The following SGCZ variants were observed in gnomAD, a reference collection of about 807,000 sequenced individuals.
SGCZ encodes sarcoglycan zeta.
Under a neutral mutation model 41.3 loss-of-function variants are expected in SGCZ, and 40 were observed. The ratio of observed to expected loss-of-function variants is 0.97; its 90% CI spans 0.75 to 1.26. The LOEUF is 1.26. Ranked by LOEUF, SGCZ falls within the 50% of genes most tolerant of loss-of-function variation. SGCZ has a pLI of 0.00. For missense variants in SGCZ, 552 were observed against 369.8 expected (o/e 1.49, Z -4.04); for synonymous variants, 206 against 137.5 (o/e 1.50, Z -3.49).
At chr8:14,281,465 T>TCA (rs1800435380) in intron 3 of SGCZ, among the ~76,000 whole-genome samples, 1 of 101,892 alleles carries the variant, frequency 9.8e-6, no homozygotes, top group Non-Finnish European at 2.7e-5. Flanking sequence ...TTTTTTTATA[T>TCA]CATAGAACTT....
At chr8:14,519,849 T>G (rs1422165170) in intron 2 of SGCZ, among the ~76,000 whole-genome samples, 1 of 152,128 alleles carries the variant, frequency 6.6e-6, no homozygotes, top group Admixed American at 6.6e-5. Flanking sequence ...ACTGATCGTG[T>G]TTTGTGCTTC....
chr8:14,945,907 C>A (rs1303583398), intron 1 of SGCZ, among the ~76,000 whole-genome samples: 2 of 148,274 alleles, frequency 1.3e-5, no homozygotes, highest in African/African-American at 2.5e-5. Context: ...CAGACTTGCA[C>A]GGAGCCATGC....
chr8:14,448,185 A>G lies in SGCZ; in HGVS notation c.234+106547T>C, dbSNP rs144228856. Among the ~76,000 whole-genome samples the G allele has an allele frequency of 5.4e-3, 817 of 152,360 alleles. 6 individuals are homozygous for G. Among genetic ancestry groups the G allele is most frequent in the African/African-American group, 0.018 (760 of 41,584 alleles). On this transcript the variant is annotated intron_variant, in intron 2 of 7. Transcript: ENST00000382080. ...CAAGACTCTAAACGCTCTTGCTACTAAAAGAGAGATTCAAGGTTTACCAAC... is the reference window on the plus strand; with the variant it reads ...CAAGACTCTAAACGCTCTTGCTACTGAAAGAGAGATTCAAGGTTTACCAAC...
intron 3 of SGCZ, among the ~76,000 whole-genome samples, chr8:14,267,796 A>C (rs964131733): frequency 6.6e-6 from 1 of 152,050 alleles, no homozygotes; most frequent in Non-Finnish European, 1.5e-5. Flanking sequence ...GCATATATTT[A>C]AGAATCTTTC....
rs535185009 is a variant in SGCZ, at chr8:14,195,647, G to A, written c.425-30945C>T. ...CAGTGATGGAGTCAAAATTTTAACA[G>A]CAGTCATAAATAAAAGACACTTTTG... is the stretch of plus-strand genomic sequence containing the variant. On this transcript the variant is annotated intron_variant, in intron 4 of 7. Coordinates refer to ENST00000382080, the MANE Select transcript of SGCZ (RefSeq NM_139167.4). 5.3e-5 allele frequency among the ~76,000 whole-genome samples: 8 copies of A among 152,150 alleles called. No homozygotes were observed. In the East Asian group the frequency reaches 1.5e-3, roughly 29 times the overall value.
chr8:14,808,413 G>T (rs1175996667), intron 1 of SGCZ, among the ~76,000 whole-genome samples: 3 of 152,066 alleles, frequency 2.0e-5, no homozygotes, highest in African/African-American at 7.2e-5. Flanking sequence ...CCATCAAAAA[G>T]TGGGCAAAGG....
chr8:15,064,418 A>G (rs933255828), intron 1 of SGCZ, among the ~76,000 whole-genome samples: 2 of 152,104 alleles, frequency 1.3e-5, no homozygotes, highest in Admixed American at 1.3e-4. Flanking sequence ...TCGATCCAGT[A>G]GTCCCATAGG....
At chr8:14,411,733 T>C (rs575700389) in intron 2 of SGCZ, among the ~76,000 whole-genome samples, 22 of 152,234 alleles carry the variant, frequency 1.4e-4, no homozygotes, top group Admixed American at 1.2e-3. Context: ...ATTCTGTATT[T>C]CCATGATTAT....
chr8:14,426,157 T>C (rs10098344), intron 2 of SGCZ, among the ~76,000 whole-genome samples: 52,251 of 151,878 alleles, frequency 0.34, 9,861 homozygotes, highest in African/African-American at 0.5. Context: ...CAGCCCCTAA[T>C]AAAAAATAAG....
At chr8:14,766,580 T>G (rs542859652) in intron 1 of SGCZ, among the ~76,000 whole-genome samples, 18 of 151,972 alleles carry the variant, frequency 1.2e-4, no homozygotes, top group Non-Finnish European at 2.5e-4. Flanking sequence ...TTTTCTTCTT[T>G]AGACAGTGTT....
At chr8:15,043,057 T>C (rs1445372683) in intron 1 of SGCZ, among the ~76,000 whole-genome samples, 3 of 152,202 alleles carry the variant, frequency 2.0e-5, no homozygotes, top group African/African-American at 4.8e-5. Flanking sequence ...AGCACCACTG[T>C]CATGGTAACA....
At chr8:14,710,555 G>A (rs903178400) in intron 1 of SGCZ, among the ~76,000 whole-genome samples, 5 of 151,764 alleles carry the variant, frequency 3.3e-5, no homozygotes, top group East Asian at 1.9e-4. Flanking sequence ...CACTGTCTAC[G>A]TGAGTTAATA....
intron 1 of SGCZ, among the ~76,000 whole-genome samples, chr8:15,040,670 T>A (rs1804061224): frequency 2.0e-5 from 3 of 152,302 alleles, no homozygotes; most frequent in Middle Eastern, 6.8e-3. Flanking sequence ...ATGATTATAT[T>A]TAGTTGATCG....
intron 2 of SGCZ, among the ~76,000 whole-genome samples, chr8:14,369,226 C>T (rs894505091): frequency 7.2e-5 from 11 of 152,018 alleles, no homozygotes; most frequent in African/African-American, 2.2e-4. Context: ...ATCCAGAATC[C>T]AATCCAATCC....
intron 2 of SGCZ, among the ~76,000 whole-genome samples, chr8:14,535,191 A>T (rs2117135594): frequency 6.6e-6 from 1 of 152,106 alleles, no homozygotes; most frequent in African/African-American, 2.4e-5. Context: ...AGATTTGATT[A>T]CTTAAATTTG....
At chr8:14,093,818 A>G (rs2116958097) in intron 7 of SGCZ, among the ~76,000 whole-genome samples, 1 of 152,248 alleles carries the variant, frequency 6.6e-6, no homozygotes, top group East Asian at 1.9e-4. Context: ...CTCTATTAAA[A>G]TAATGCTAAT....
chr8:14,984,583 T>C (rs1460568900), intron 1 of SGCZ, among the ~76,000 whole-genome samples: 7 of 152,102 alleles, frequency 4.6e-5, no homozygotes, highest in African/African-American at 1.7e-4. Context: ...CCACACAATA[T>C]CATTTAACAG....
chr8:15,232,770 TATATATACATATATATGTGTGTATAC>T lies in SGCZ; in HGVS notation c.39+4789_39+4814del, dbSNP rs1172703875. Among the ~76,000 whole-genome samples, 1,221 of 134,870 alleles carry T rather than the reference TATATATACATATATATGTGTGTATAC, an allele frequency of 9.1e-3. 2 individuals carry two copies. The highest frequency in any genetic ancestry group is 0.029 in the Middle Eastern group (7 of 242). 88.5% of individuals were successfully genotyped at this position (134,870 alleles called of 152,430 possible). ...ATATATATACATATATATGTGTGTATATATATACATATATATGTGTGTATACATATATACACACATATATATATTTC... is the reference window on the plus strand; with the variant it reads ...ATATATATACATATATATGTGTGTATATATATACACACATATATATATTTC... On this transcript the variant is annotated intron_variant, in intron 1 of 7. Coordinates refer to ENST00000382080, the MANE Select transcript of SGCZ (RefSeq NM_139167.4).
intron 2 of SGCZ, among the ~76,000 whole-genome samples, chr8:14,428,077 C>T (rs1017030165): frequency 1.7e-4 from 25 of 151,364 alleles, no homozygotes; most frequent in African/African-American, 5.8e-4. Flanking sequence ...TCAAACCCCG[C>T]AGATACTGAA....
Sources: allele counts gnomAD v4.1 joint callset (sites outside exome capture counted in the v4.1 genomes callset), GRCh38; gene constraint gnomAD v4.1.1; transcripts MANE v1.5; gene names NCBI Gene and HGNC (gene_info 2026-07-23, HGNC 2026-07-21).